Variants in HK1 observed in about 807,000 individuals in gnomAD.
HK1 encodes hexokinase 1.
In HK1, 28 loss-of-function variants were observed where a neutral mutation model predicts 91.6. That is an observed-to-expected ratio of 0.31 (90% CI 0.23 to 0.42). The LOEUF (loss-of-function observed/expected upper bound fraction) is 0.42. HK1 is among the 10% of genes least tolerant of loss of function. The probability of loss-of-function intolerance (pLI) is 1.00; values close to 1 mark genes in which losing one functional copy is unlikely to be tolerated. For missense variants in HK1, 770 were observed against 1,219.8 expected (o/e 0.63, Z 5.49); for synonymous variants, 430 against 468.1 (o/e 0.92, Z 1.05).
Position 69,398,817 on chromosome 10 carries a change from G to A in HK1, c.2598G>A (p.Lys866=). ...TGGGAGTGGACGGGACACTCTACAA[G>A]CTTCATCCACAGTGAGTGGGCCTTC... ...VTVGVDGTLY[K]LHPHFSRIMH... The change falls in exon 17 of 18, where the codon AAG becomes AAA. Residue 866 remains lysine (K), a synonymous_variant. Transcript: ENST00000359426. The A allele has an allele frequency of 9.3e-6, 15 of 1,610,450 alleles. No homozygotes were observed. The highest frequency in any genetic ancestry group is 1.3e-5 in the Non-Finnish European group (15 of 1,176,818).
chr10:69,392,775 CT>C (rs1429880554), intron 15 of HK1, among the ~76,000 whole-genome samples: 2 of 152,112 alleles, frequency 1.3e-5, no homozygotes, highest in African/African-American at 4.8e-5. Context: ...AGTGTCTGCC[CT>C]TTGTCTCAAG....
At chr10:69,384,734 C>T (rs1839551753) in intron 11 of HK1, 62 bp from the exon 12 acceptor site, 11 of 1,610,778 alleles carry the variant, frequency 6.8e-6, no homozygotes, top group African/African-American at 1.3e-5. Flanking sequence ...CACTTTGGTC[C>T]ATGTGCACTG....
chr10:69,337,622 A>C (rs1022993584), intron 1 of HK1, among the ~76,000 whole-genome samples: 2 of 152,202 alleles, frequency 1.3e-5, no homozygotes, highest in African/African-American at 4.8e-5. Context: ...TCTGATGTTG[A>C]AATCTCTGTC....
At chr10:69,300,834 G>C (rs371374274) in exon 5 of HK1, 14 of 1,608,288 alleles carry the variant, frequency 8.7e-6, no homozygotes, top group Non-Finnish European at 1.2e-5. Flanking sequence ...GGCGTGGAAA[G>C]ATGGCAAAAA....
intron 5 of HK1, among the ~76,000 whole-genome samples, chr10:69,305,246 A>G (rs1467661016): frequency 6.6e-6 from 1 of 152,166 alleles, no homozygotes; most frequent in Non-Finnish European, 1.5e-5. Flanking sequence ...TCCAGAAGCT[A>G]CTGAGACACT....
At chr10:69,394,126 C>T (rs3793846) in intron 15 of HK1, among the ~76,000 whole-genome samples, 58,770 of 152,086 alleles carry the variant, frequency 0.39, 12,137 homozygotes, top group African/African-American at 0.52. Context: ...TTCCAAATTC[C>T]AGGGGACTCT....
intron 4 of HK1, among the ~76,000 whole-genome samples, chr10:69,365,425 G>A (rs190105760): frequency 1.5e-4 from 23 of 152,130 alleles, no homozygotes; most frequent in South Asian, 6.2e-4. Context: ...TTTTTCATTC[G>A]TTCATTCATT....
At chr10:69,283,217 C>A (rs942953593) in intron 2 of HK1, among the ~76,000 whole-genome samples, 1 of 146,862 alleles carries the variant, frequency 6.8e-6, no homozygotes, top group Admixed American at 6.9e-5. Context: ...GAGGCCAAGG[C>A]GGGAGGATCA....
intron 4 of HK1, among the ~76,000 whole-genome samples, chr10:69,365,900 C>T (rs1469086307): frequency 2.6e-5 from 4 of 152,088 alleles, no homozygotes; most frequent in Admixed American, 1.3e-4. Context: ...GGCACGATCT[C>T]GGCTCACTGC....
At chr10:69,336,657 T>A (rs1164301613) in intron 1 of HK1, among the ~76,000 whole-genome samples, 1 of 148,512 alleles carries the variant, frequency 6.7e-6, no homozygotes, top group African/African-American at 2.5e-5. Context: ...TTTTTTTTTT[T>A]GAGATGGATT....
intron 16 of HK1, 80 bp from the exon 17 acceptor site, chr10:69,398,515 G>C: frequency 1.0e-6 from 1 of 994,012 alleles, no homozygotes. Flanking sequence ...TTGGGGGCGG[G>C]GGGCGTCCTT....
intron 3 of HK1, among the ~76,000 whole-genome samples, chr10:69,291,093 G>A (rs1845278764): frequency 6.6e-6 from 1 of 152,204 alleles, no homozygotes; most frequent in Non-Finnish European, 1.5e-5. Flanking sequence ...ACCTCTCATG[G>A]CCCCCTTCTT....
chr10:69,365,643 C>T (rs904131191), intron 4 of HK1, among the ~76,000 whole-genome samples: 6 of 152,056 alleles, frequency 3.9e-5, no homozygotes, highest in Admixed American at 6.5e-5. Context: ...TTTGGGAGGC[C>T]GAAGCAGAAG....
chr10:69,306,994 G>C (rs1377556403), intron 5 of HK1, among the ~76,000 whole-genome samples: 1 of 152,136 alleles, frequency 6.6e-6, no homozygotes, highest in Non-Finnish European at 1.5e-5. Flanking sequence ...ATATGTGTTG[G>C]GTGAATAAAT....
intron 2 of HK1, among the ~76,000 whole-genome samples, chr10:69,352,856 A>T (rs1431573249): frequency 6.6e-6 from 1 of 152,170 alleles, no homozygotes; most frequent in African/African-American, 2.4e-5. Context: ...TCACTTTAAA[A>T]TGGGTAAAAA....
At chr10:69,383,729 G>C (rs950125310) in intron 10 of HK1, among the ~76,000 whole-genome samples, 1 of 152,250 alleles carries the variant, frequency 6.6e-6, no homozygotes, top group Non-Finnish European at 1.5e-5. Flanking sequence ...TGGGGTGCAG[G>C]GGCCCCTGGC....
At chr10:69,328,669 G>A (rs529074564) in intron 1 of HK1, among the ~76,000 whole-genome samples, 1 of 152,174 alleles carries the variant, frequency 6.6e-6, no homozygotes, top group African/African-American at 2.4e-5. Context: ...ACCATGAAAC[G>A]CATCATTGTA....
chr10:69,323,336 AC>A (rs1700491581), intron 1 of HK1, among the ~76,000 whole-genome samples: 3 of 151,916 alleles, frequency 2.0e-5, no homozygotes, highest in Admixed American at 2.0e-4. Flanking sequence ...AGCCTGGGCA[AC>A]AAAATTAAAC....
rs1840074435 is a variant in HK1, at chr10:69,395,054, C to T, written c.2324C>T (p.Thr775Met). 6.2e-7 allele frequency: 1 copy of T among 1,614,050 alleles called. No individual in the cohort carries two copies. The highest frequency in any genetic ancestry group is 2.2e-5 in the East Asian group (1 of 44,860). The change falls in exon 16 of 18, where the codon ACG becomes ATG. Residue 775 changes from threonine to methionine, a missense_variant. Thr to Met is a moderately conservative substitution (Grantham distance 81). Transcript: ENST00000359426. Reference protein sequence around the residue: ...GFLFRGQISETLKTRGIFETK... With the variant: ...GFLFRGQISEMLKTRGIFETK... The stretch of plus-strand genomic sequence containing the variant: ...CTCTTCCGAGGGCAGATCTCTGAGA[C>T]GCTGAAGACCCGGGGCATCTTTGAG...
Sources: allele counts gnomAD v4.1 joint callset (sites outside exome capture counted in the v4.1 genomes callset), GRCh38; gene constraint gnomAD v4.1.1; transcripts MANE v1.5; gene names NCBI Gene and HGNC (gene_info 2026-07-23, HGNC 2026-07-21).